Variants in MMAB observed in about 807,000 individuals in gnomAD.
The protein encoded by MMAB is metabolism of cobalamin associated B, also known as corrinoid adenosyltransferase MMAB.
Under a neutral mutation model 30.6 loss-of-function variants are expected in MMAB, and 17 were observed. The observed-to-expected ratio is 0.56, with a 90% CI of 0.38 to 0.83. The LOEUF (loss-of-function observed/expected upper bound fraction) is 0.83. MMAB is among the 40% of genes least tolerant of loss of function. The probability of loss-of-function intolerance (pLI) is 0.00; values close to 1 mark genes in which losing one functional copy is unlikely to be tolerated. For missense variants in MMAB, 311 were observed against 331.6 expected (o/e 0.94, Z 0.48); for synonymous variants, 134 against 138.6 (o/e 0.97, Z 0.23).
At chr12:109,562,353 C>T (rs183543130) in intron 4 of MMAB, among the ~76,000 whole-genome samples, 2 of 152,306 alleles carry the variant, frequency 1.3e-5, no homozygotes, top group South Asian at 2.1e-4. Flanking sequence ...TATAGCAGTG[C>T]GAGAACAGAC....
rs532978656 is a variant in MMAB at position 109,556,596 on chromosome 12, G to A, written c.*432C>T. 1 of 454,022 alleles carries A rather than the reference G, an allele frequency of 2.2e-6. No individual in the cohort carries two copies. The highest frequency in any genetic ancestry group is 1.6e-5 in the South Asian group (1 of 64,434). 28.1% of individuals were successfully genotyped at this position (454,022 alleles called of 1,614,324 possible). The stretch of plus-strand genomic sequence containing the variant: ...ACAATTACATTTTCAAGGGCCTCTG[G>A]TCCCATTCCAAATCTGTGAACAACC... On this transcript the variant is annotated 3_prime_UTR_variant, in exon 9 of 9. Transcript: ENST00000545712.
intron 4 of MMAB, among the ~76,000 whole-genome samples, chr12:109,563,478 C>A (rs61940469): frequency 0.015 from 2,355 of 152,344 alleles, 73 homozygotes; most frequent in Admixed American, 0.07. Context: ...CAGACACTGT[C>A]CCCGCCCTCA....
At chr12:109,567,034 A>G in intron 3 of MMAB, 1 of 456,108 alleles carries the variant, frequency 2.2e-6, no homozygotes, top group Non-Finnish European at 4.4e-6. Context: ...CCATGGAGAA[A>G]TGGTAGCCAG....
At position 109,555,811 on chromosome 12, in the gene MMAB, T is replaced by C. The variant is rs747661938; in HGVS notation, c.*1217A>G. 2 of 453,894 alleles carry C rather than the reference T, an allele frequency of 4.4e-6. No individual in the cohort carries two copies. Among genetic ancestry groups the C allele is most frequent in the East Asian group, 6.9e-5 (1 of 14,406 alleles). 28.1% of individuals were successfully genotyped at this position (453,894 alleles called of 1,614,324 possible). ...AACTTTGCAGGCCAGGTGGTAAGAA[T>C]GAAGGCAAAAATATGCACGTGACTA... On this transcript the variant is annotated 3_prime_UTR_variant, in exon 9 of 9. Coordinates refer to ENST00000545712, the MANE Select transcript of MMAB (RefSeq NM_052845.4).
Position 109,568,825 on chromosome 12 carries a change from C to A in MMAB, c.235G>T (p.Asp79Tyr). The change falls in exon 3 of 9, where the codon GAT becomes TAT. Residue 79 changes from aspartate to tyrosine, a missense_variant. Coordinates refer to ENST00000545712, the MANE Select transcript of MMAB (RefSeq NM_052845.4). ...CCCACGGCTTCAAACACTTGGTCATCTTTGGGTCTCCTTTCTCCTGTGAAG... is the reference window on the plus strand; with the variant it reads ...CCCACGGCTTCAAACACTTGGTCATATTTGGGTCTCCTTTCTCCTGTGAAG... ...STFTGERRPKDDQVFEAVGTT... is the reference protein window; with the variant it reads ...STFTGERRPKYDQVFEAVGTT... The A allele has an allele frequency of 1.2e-6, 2 of 1,614,138 alleles. No individual in the cohort carries two copies. Among genetic ancestry groups the A allele is most frequent in the Non-Finnish European group, 1.7e-6 (2 of 1,180,006 alleles).
chr12:109,558,234 TGAG>T lies in MMAB; in HGVS notation c.644+859_644+861del, dbSNP rs1231333302. ...GCTTGTTGGCTCTGTGAAGCCTCAC[TGAG>T]GAGATGAAATGGCCTGTCCCGTGCA... is the stretch of plus-strand genomic sequence containing the variant. On this transcript the variant is annotated intron_variant, in intron 8 of 8. Coordinates refer to ENST00000545712, the MANE Select transcript of MMAB (RefSeq NM_052845.4). This position sits in a 1 kb window ranked among gnomAD's most constrained non-coding sequence, Gnocchi z 4.3. Among the ~76,000 whole-genome samples the T allele has an allele frequency of 6.6e-6, 1 of 152,124 alleles. No individual in the cohort carries two copies. The highest frequency in any genetic ancestry group is 2.4e-5 in the African/African-American group (1 of 41,412).
intron 3 of MMAB, among the ~76,000 whole-genome samples, chr12:109,566,426 T>C (rs917698308): frequency 6.6e-6 from 1 of 152,250 alleles, no homozygotes; most frequent in African/African-American, 2.4e-5. Flanking sequence ...CTGGTGTGTC[T>C]TCCCCTCTGG....
Position 109,557,039 on chromosome 12 carries a change from CAG to C in MMAB, c.740_741del (p.Ser247Ter). 6.2e-7 allele frequency: 1 copy of C among 1,608,562 alleles called. No homozygotes were observed. The highest frequency in any genetic ancestry group is 8.5e-7 in the Non-Finnish European group (1 of 1,175,018). ...CACTTTCTGTGATTTCAGAGTCCCT[CAG>C]ACTCGGCCGATGGGTCATTTTTCAT... ...IYMKNDPSAE[S>X]EGL On this transcript the variant is annotated frameshift_variant, in exon 9 of 9. Transcript: ENST00000545712. LOFTEE classifies it high-confidence loss of function.
intron 3 of MMAB, among the ~76,000 whole-genome samples, chr12:109,565,726 TG>T (rs1884397732): frequency 6.6e-6 from 1 of 152,194 alleles, no homozygotes; most frequent in South Asian, 2.1e-4. Flanking sequence ...ATCAGTGCTC[TG>T]AAGGAAAGAG....
rs1003522984 is a variant in MMAB, at chr12:109,558,588, C to T, written c.644+508G>A. On this transcript the variant is annotated intron_variant, in intron 8 of 8. Coordinates refer to ENST00000545712, the MANE Select transcript of MMAB (RefSeq NM_052845.4). This position sits in a 1 kb window ranked among gnomAD's most constrained non-coding sequence, Gnocchi z 4.3. ...TGGCTCCAGCCTCATGGGCCGGCCG[C>T]GAGGCAGAGGAAGCCCTCCCTGGGC... Among the ~76,000 whole-genome samples the T allele has an allele frequency of 6.6e-6, 1 of 152,244 alleles. No individual in the cohort carries two copies. Among genetic ancestry groups the T allele is most frequent in the African/African-American group, 2.4e-5 (1 of 41,558 alleles).
chr12:109,568,566 G>A lies in MMAB; in HGVS notation c.290+204C>T, dbSNP rs113284916. On this transcript the variant is annotated intron_variant, in intron 3 of 8. Coordinates refer to ENST00000545712, the MANE Select transcript of MMAB (RefSeq NM_052845.4). The stretch of plus-strand genomic sequence containing the variant: ...TGGCATGGGCCAGAGGCCAGCGCAG[G>A]CACAGGCAGGGCCAGAAGGGAAAGG... 0.013 allele frequency: 8,365 copies of A among 640,192 alleles called. 565 individuals carry two copies. In the African/African-American group the frequency reaches 0.13, roughly 10 times the overall value. The allele number at this position is 640,192 out of a possible 1,614,324, so 39.7% of individuals were successfully genotyped here.
chr12:109,554,648 A>AC lies in MMAB; in HGVS notation c.*2379dup. 2.2e-6 allele frequency: 1 copy of AC among 454,142 alleles called. No individual in the cohort carries two copies. The highest frequency in any genetic ancestry group is 4.4e-6 in the Non-Finnish European group (1 of 226,806). The allele number at this position is 454,142 out of a possible 1,614,324, so 28.1% of individuals were successfully genotyped here. A position where few individuals can be genotyped will look rare whatever the true frequency, so the allele number is the denominator to read the frequency against. On this transcript the variant is annotated 3_prime_UTR_variant, in exon 9 of 9. Coordinates refer to ENST00000545712, the MANE Select transcript of MMAB (RefSeq NM_052845.4). ...CTGGGGCAGCGGGGGCTTCGCAGTCACATTTCCTGACTGTAGGGCTTTCAT... is the reference window on the plus strand; with the variant it reads ...CTGGGGCAGCGGGGGCTTCGCAGTCACCATTTCCTGACTGTAGGGCTTTCAT...
chr12:109,554,190 C>G lies in MMAB; in HGVS notation c.*2838G>C, dbSNP rs1174903942. ...TCCCCAGGACAACTTGGTTCCCCAC[C>G]CAATGCCTCCTTCCAGGGCTGCTAT... On this transcript the variant is annotated 3_prime_UTR_variant, in exon 9 of 9. Coordinates refer to ENST00000545712, the MANE Select transcript of MMAB (RefSeq NM_052845.4). The G allele has an allele frequency of 2.2e-6, 1 of 453,312 alleles. No individual in the cohort carries two copies. The highest frequency in any genetic ancestry group is 4.4e-6 in the Non-Finnish European group (1 of 226,130). 28.1% of individuals were successfully genotyped at this position (453,312 alleles called of 1,614,324 possible). A position where few individuals can be genotyped will look rare whatever the true frequency, so the allele number is the denominator to read the frequency against.
In MMAB at chr12:109,561,958, G is replaced by T; in HGVS notation, c.349-106C>A. ...ACGCCGGCAAAGCCTGTGCCAGCTA[G>T]CTCATGAAGGGCTGTGATATGGTTT... is the stretch of plus-strand genomic sequence containing the variant. On this transcript the variant is annotated intron_variant, in intron 4 of 8. Transcript: ENST00000545712. The surrounding 1 kb of genome is among the most constrained non-coding windows in gnomAD (Gnocchi z 5.3). The T allele has an allele frequency of 1.1e-6, 1 of 924,308 alleles. No individual in the cohort carries two copies. The highest frequency in any genetic ancestry group is 1.7e-6 in the Non-Finnish European group (1 of 584,870). The allele number at this position is 924,308 out of a possible 1,614,324, so 57.3% of individuals were successfully genotyped here.
intron 7 of MMAB, 79 bp downstream of exon 7, chr12:109,560,961 T>TCCTCTCCCTCTCCCTCCCCCCCCCCC: frequency 1.0e-6 from 1 of 996,984 alleles, no homozygotes. Flanking sequence ...ATCTCCGTCC[T>TCCTCTCCCTCTCCCTCCCCCCCCCCC]CCTCTCCCTC....
chr12:109,567,300 G>A (rs142712557), intron 3 of MMAB: 68 of 341,938 alleles, frequency 2.0e-4, no homozygotes, highest in African/African-American at 1.4e-3. Context: ...GAATTATCAT[G>A]ATGACTACTT....
intron 2 of MMAB, 56 bp from the exon 3 acceptor site, chr12:109,568,919 G>T (rs1293437266): frequency 7.9e-5 from 75 of 953,986 alleles, no homozygotes; most frequent in Non-Finnish European, 9.9e-5. Flanking sequence ...CTGATATGCT[G>T]TTTTTTTTTT....
intron 1 of MMAB, among the ~76,000 whole-genome samples, chr12:109,572,154 C>G (rs1212278982): frequency 6.6e-6 from 1 of 152,126 alleles, no homozygotes; most frequent in Non-Finnish European, 1.5e-5. Context: ...CTAGACCATC[C>G]AAGAAGAGGC....
intron 7 of MMAB, among the ~76,000 whole-genome samples, chr12:109,559,659 T>C (rs1405429894): frequency 6.6e-6 from 1 of 152,354 alleles, no homozygotes; most frequent in African/African-American, 2.4e-5. Flanking sequence ...TGCCAGTCTA[T>C]TTGCAGATAC....
Sources: allele counts gnomAD v4.1 joint callset (sites outside exome capture counted in the v4.1 genomes callset), GRCh38; gene constraint gnomAD v4.1.1; non-coding constraint Gnocchi (gnomAD v3.1); transcripts MANE v1.5; gene names NCBI Gene and HGNC (gene_info 2026-07-23, HGNC 2026-07-21).